Variants in STAB1 observed in about 807,000 individuals in gnomAD.
STAB1 encodes stabilin 1.
STAB1 carries 250 observed loss-of-function variants against 332.4 expected under a neutral mutation model. That is an observed-to-expected ratio of 0.75 (90% CI 0.68 to 0.84). STAB1 has a LOEUF of 0.84. Ranked by LOEUF, STAB1 falls within the 40% of genes least tolerant of loss-of-function variation. The probability of loss-of-function intolerance (pLI) is 0.00; values close to 1 mark genes in which losing one functional copy is unlikely to be tolerated. For synonymous variants in STAB1, 1,475 were observed against 1,390.4 expected, an observed-to-expected ratio of 1.06 and a Z score of -1.35; for missense variants, 3,249 against 3,489.7, an observed-to-expected ratio of 0.93 and a Z score of 1.74.
intron 36 of STAB1, 32 bp downstream of exon 36, chr3:52,515,077 G>A: frequency 6.2e-7 from 1 of 1,610,538 alleles, no homozygotes; most frequent in Non-Finnish European, 8.5e-7. Context: ...CTCTGTCCCT[G>A]TGTTGCCTGC....
chr3:52,508,070 C>T, intron 20 of STAB1, 44 bp downstream of exon 20: 1 of 1,581,798 alleles, frequency 6.3e-7, no homozygotes, highest in Non-Finnish European at 8.6e-7. Context: ...ACCTGGGCAC[C>T]TGCTGTTCCT....
Position 52,522,938 on chromosome 3 carries a change from A to G in STAB1, c.6908A>G (p.Gln2303Arg). 6.2e-7 allele frequency: 1 copy of G among 1,612,812 alleles called. No homozygotes were observed. The highest frequency in any genetic ancestry group is 8.5e-7 in the Non-Finnish European group (1 of 1,179,618). ...ERWDAYCFRV[Q>R]DVACRCRNGF... ...TGGGATGCCTACTGCTTCCGTGTGC[A>G]AGGTGTGTCCACCCGACCAAACCCT... Residue 2303 changes from glutamine (Q) to arginine (R), a missense_variant and splice_region_variant, in exon 62 of 69, where the codon CAA becomes CGA. Coordinates refer to ENST00000321725, the MANE Select transcript of STAB1 (RefSeq NM_015136.3).
rs2078856360 is a variant in STAB1, at chr3:52,516,205, G to C, written c.4111G>C (p.Glu1371Gln). ...GFHGTACEVC[E>Q]LGRYGPNCTG... is the part of the protein sequence containing the mutation. The stretch of plus-strand genomic sequence containing the variant: ...CCATGGAACGGCCTGTGAGGTGTGT[G>C]AGCTGGGCCGCTACGGGCCCAACTG... The change falls in exon 38 of 69, where the codon GAG becomes CAG. Residue 1371 changes from glutamate to glutamine, a missense_variant. Coordinates refer to ENST00000321725, the MANE Select transcript of STAB1 (RefSeq NM_015136.3). 1 of 1,612,460 alleles carries C rather than the reference G, an allele frequency of 6.2e-7. No individual in the cohort carries two copies. Among genetic ancestry groups the C allele is most frequent in the African/African-American group, 1.3e-5 (1 of 75,018 alleles).
At chr3:52,500,384 C>T (rs373803923) in intron 1 of STAB1, among the ~76,000 whole-genome samples, 1 of 152,252 alleles carries the variant, frequency 6.6e-6, no homozygotes, top group Non-Finnish European at 1.5e-5. Context: ...TGGCATGGCC[C>T]GTTGTCTCCT....
Position 52,505,397 on chromosome 3 carries a change from G to A in STAB1, c.1581+16G>A. 2.5e-6 allele frequency: 4 copies of A among 1,611,490 alleles called. No individual in the cohort carries two copies. Among genetic ancestry groups the A allele is most frequent in the Non-Finnish European group, 3.4e-6 (4 of 1,178,874 alleles). On this transcript the variant is annotated intron_variant, in intron 14 of 68. Coordinates refer to ENST00000321725, the MANE Select transcript of STAB1 (RefSeq NM_015136.3). ...CATCCTGGAGGTAAGCTCGGGGGAG[G>A]GGTCCTAGCCCATGTGGGCTTCTGG...
intron 1 of STAB1, among the ~76,000 whole-genome samples, chr3:52,500,461 C>T (rs1308441673): frequency 6.6e-6 from 1 of 152,364 alleles, no homozygotes; most frequent in East Asian, 1.9e-4. Context: ...TGAGCCCAGC[C>T]TCTCAGGGCC....
Position 52,505,155 on chromosome 3 carries a change from TCCTCC to T in STAB1, c.1518+26_1518+30del. ...CTGGGGATCCCAAGGTGAGCCAGCA[TCCTCC>T]CCTCCCCTCCCCTGTGCTGCTGGGT... On this transcript the variant is annotated intron_variant, in intron 13 of 68. Transcript: ENST00000321725. 6.2e-7 allele frequency: 1 copy of T among 1,612,070 alleles called. No homozygotes were observed. Among genetic ancestry groups the T allele is most frequent in the Non-Finnish European group, 8.5e-7 (1 of 1,179,428 alleles).
intron 9 of STAB1, 46 bp from the exon 10 acceptor site, chr3:52,503,982 G>C (rs751277211): frequency 1.2e-5 from 20 of 1,609,968 alleles, no homozygotes; most frequent in Non-Finnish European, 1.6e-5. Context: ...GGTGCGGTGG[G>C]GGGGGCCTCA....
At chr3:52,499,963 C>T (rs1267635693) in intron 1 of STAB1, among the ~76,000 whole-genome samples, 5 of 149,400 alleles carry the variant, frequency 3.3e-5, no homozygotes, top group Admixed American at 2.7e-4. Flanking sequence ...GTCCCAGCTA[C>T]TCGGGAGGCT....
intron 1 of STAB1, among the ~76,000 whole-genome samples, chr3:52,498,349 G>A (rs145435222): frequency 6.6e-6 from 1 of 152,332 alleles, no homozygotes; most frequent in Non-Finnish European, 1.5e-5. Flanking sequence ...CAGCACTCAG[G>A]CCGTGATCCA....
Position 52,515,054 on chromosome 3 carries a change from G to A in STAB1, c.3864+9G>A. Reference sequence around the variant, plus strand: ...AGGGCTTCCAGCTGCAGGTGAGACTGGGCTTAGCGCAGCTCTGTCCCTGTG... The same window carrying A: ...AGGGCTTCCAGCTGCAGGTGAGACTAGGCTTAGCGCAGCTCTGTCCCTGTG... On this transcript the variant is annotated intron_variant, in intron 36 of 68. Transcript: ENST00000321725. 3.7e-6 allele frequency: 6 copies of A among 1,613,254 alleles called. No homozygotes were observed. The highest frequency in any genetic ancestry group is 5.1e-6 in the Non-Finnish European group (6 of 1,179,934).
intron 26 of STAB1, among the ~76,000 whole-genome samples, chr3:52,512,101 C>T (rs1559695358): frequency 6.6e-6 from 1 of 152,266 alleles, no homozygotes; most frequent in Non-Finnish European, 1.5e-5. Flanking sequence ...CTCCTGGGTC[C>T]TCCCACAGCC....
Position 52,503,076 on chromosome 3 carries a change from C to T in STAB1, c.661C>T (p.Pro221Ser), listed in dbSNP as rs1227380866. The T allele has an allele frequency of 1.4e-5, 22 of 1,600,470 alleles. No individual in the cohort carries two copies. Among genetic ancestry groups the T allele is most frequent in the Non-Finnish European group, 1.9e-5 (22 of 1,174,748 alleles). The change falls in exon 7 of 69, where the codon CCC (proline) becomes TCC (serine). Residue 221 changes from proline to serine, a missense_variant. Physicochemically the swap from Pro to Ser is moderately conservative, Grantham distance 74. Transcript: ENST00000321725. ...SAEAPSCRCL[P>S]GYTQQGSECR... ...AGAGGCTCCCAGCTGCAGGTGCCTG[C>T]CCGGCTACACACAGCAGGGCAGTGA... is the stretch of plus-strand genomic sequence containing the variant.
In STAB1 at chr3:52,503,438, C is replaced by G; in HGVS notation, c.789C>G (p.Tyr263Ter). 3 of 1,613,828 alleles carry G rather than the reference C, an allele frequency of 1.9e-6. No homozygotes were observed. The highest frequency in any genetic ancestry group is 2.5e-6 in the Non-Finnish European group (3 of 1,180,038). The stretch of plus-strand genomic sequence containing the variant: ...CTCAGTGTCACTGCCCTGAGAACTA[C>G]CATGGCGATGGGATGGTGTGTCTGC... Reference protein sequence around the residue: ...GQAQCHCPENYHGDGMVCLPK... With the variant: ...GQAQCHCPEN Residue 263 changes from tyrosine (Y) to a stop codon, truncating the protein, a stop_gained, in exon 8 of 69, where the codon TAC becomes TAG. Coordinates refer to ENST00000321725, the MANE Select transcript of STAB1 (RefSeq NM_015136.3). LOFTEE classifies it high-confidence loss of function.
chr3:52,505,479 G>C, intron 14 of STAB1, 98 bp downstream of exon 14: 2 of 1,359,728 alleles, frequency 1.5e-6, no homozygotes, highest in Non-Finnish European at 2.0e-6. Flanking sequence ...CTGGGGTTCT[G>C]AAGTAGCATG....
chr3:52,511,164 G>A (rs906713815), intron 25 of STAB1, among the ~76,000 whole-genome samples: 1 of 152,224 alleles, frequency 6.6e-6, no homozygotes, highest in Non-Finnish European at 1.5e-5. Context: ...TGCTCCCAAC[G>A]TGCAAACAAG....
rs774375422 is a variant in STAB1, at chr3:52,513,158, G to A, written c.3187G>A (p.Glu1063Lys). 16 of 1,578,038 alleles carry A rather than the reference G, an allele frequency of 1.0e-5. No individual in the cohort carries two copies. The highest frequency in any genetic ancestry group is 7.4e-5 in the Admixed American group (4 of 54,022). ...RAHFLQGALF[E>K]EELARLGGQE... ...CCATTTTCTCCAGGGTGCCCTCTTCGAGGAGGAGCTGGCCCGGCTGGGTGG... is the reference window on the plus strand; with the variant it reads ...CCATTTTCTCCAGGGTGCCCTCTTCAAGGAGGAGCTGGCCCGGCTGGGTGG... The change falls in exon 30 of 69, where the codon GAG (glutamate) becomes AAG (lysine). Residue 1063 changes from glutamate (E) to lysine (K), a missense_variant. By Grantham distance (56) the Glu-to-Lys change is moderately conservative (BLOSUM62 1). Transcript: ENST00000321725.
At chr3:52,517,435 C>G in intron 43 of STAB1, 42 bp downstream of exon 43, 1 of 1,576,886 alleles carries the variant, frequency 6.3e-7, no homozygotes, top group Non-Finnish European at 8.6e-7. Context: ...ATGCCATGCC[C>G]TCACAGGATG....
At position 52,517,049 on chromosome 3, in the gene STAB1, C is replaced by T. The variant is rs767834125; in HGVS notation, c.4429C>T (p.Pro1477Ser). ...TCATGCCAACTGTACCAAGGTGGCA[C>T]CTGGGCAGCGGACATGCACCTGCCA... is the stretch of plus-strand genomic sequence containing the variant. ...SPHANCTKVA[P>S]GQRTCTCQDG... is the part of the protein sequence containing the mutation. Residue 1477 changes from proline to serine, a missense_variant, in exon 42 of 69, where the codon CCT becomes TCT. Coordinates refer to ENST00000321725, the MANE Select transcript of STAB1 (RefSeq NM_015136.3). 1.1e-5 allele frequency: 17 copies of T among 1,604,168 alleles called. No individual in the cohort carries two copies. The highest frequency in any genetic ancestry group is 2.6e-6 in the Non-Finnish European group (3 of 1,175,336).
Sources: gnomAD v4.1 joint callset for allele counts (sites outside exome capture counted in the v4.1 genomes callset) on GRCh38, gnomAD v4.1.1 for gene constraint, MANE v1.5 for transcripts, NCBI Gene and HGNC (gene_info 2026-07-23, HGNC 2026-07-21) for gene names.